ASRGL1: variants seen among roughly 807,000 people sequenced by gnomAD.
ASRGL1 encodes asparaginase and isoaspartyl peptidase 1, also known as isoaspartyl peptidase/L-asparaginase.
A neutral mutation model predicts 22.4 loss-of-function variants in ASRGL1; 16 were observed. The ratio of observed to expected loss-of-function variants is 0.71; its 90% CI spans 0.48 to 1.08. The LOEUF (loss-of-function observed/expected upper bound fraction) is 1.08, where lower values mean the gene tolerates loss of function less well. Ranked by LOEUF, ASRGL1 falls within the 50% of genes least tolerant of loss-of-function variation. The pLI is 0.00. For missense variants in ASRGL1, 412 were observed against 410.1 expected (o/e 1.00, Z -0.04); for synonymous variants, 165 against 159.3 (o/e 1.04, Z -0.27).
At chr11:62,367,488 T>C (rs1311787921) in intron 4 of ASRGL1, among the ~76,000 whole-genome samples, 1 of 148,798 alleles carries the variant, frequency 6.7e-6, no homozygotes, top group Non-Finnish European at 1.5e-5. Flanking sequence ...CTACTAAAAA[T>C]ACAAAATGAG....
chr11:62,389,416 G>C (rs539863514), intron 5 of ASRGL1, 165 bp downstream of exon 5: 3 of 742,444 alleles, frequency 4.0e-6, no homozygotes, highest in Non-Finnish European at 7.1e-6. Context: ...GGGGTTGTTC[G>C]GGGTGCTGCC....
In ASRGL1 at chr11:62,345,269, G is replaced by T. The variant is rs554485771; in HGVS notation, c.190+7102G>T. The stretch of plus-strand genomic sequence containing the variant: ...GTATCACATGGTAGCTGTATTCTTA[G>T]ATTTTTGAGGAACTCAGGGTTGTTT... On this transcript the variant is annotated intron_variant, in intron 2 of 6. Coordinates refer to ENST00000415229, the MANE Select transcript of ASRGL1 (RefSeq NM_001083926.2). 1.2e-4 allele frequency among the ~76,000 whole-genome samples: 18 copies of T among 152,186 alleles called. No homozygotes were observed. The South Asian group carries it at 1.9e-3, about 16-fold the overall frequency.
intron 4 of ASRGL1, among the ~76,000 whole-genome samples, chr11:62,381,116 G>A (rs1332762711): frequency 2.6e-5 from 4 of 152,106 alleles, no homozygotes; most frequent in Non-Finnish European, 5.9e-5. Flanking sequence ...TGATATTGTG[G>A]ATACTGTATT....
At chr11:62,372,483 T>C in intron 4 of ASRGL1, 1 of 1,378,790 alleles carries the variant, frequency 7.3e-7, no homozygotes, top group East Asian at 2.3e-5. Flanking sequence ...ACAACTCAGA[T>C]GGGAAGTTCA....
Position 62,393,200 on chromosome 11 carries a change from C to T in ASRGL1, c.*916C>T, listed in dbSNP as rs531906879. On this transcript the variant is annotated 3_prime_UTR_variant, in exon 7 of 7. Transcript: ENST00000415229. ...TTCCCACCTCCCCATCCTCACCAGC[C>T]GGATCGGGCGCTGTGCAGTGTGGTC... is the stretch of plus-strand genomic sequence containing the variant. 3 of 152,452 alleles carry T rather than the reference C, an allele frequency of 2.0e-5. No homozygotes were observed. The highest frequency in any genetic ancestry group is 6.5e-5 in the Admixed American group (1 of 15,296). The allele number at this position is 152,452 out of a possible 1,614,324, so 9.4% of individuals were successfully genotyped here. A position where few individuals can be genotyped will look rare whatever the true frequency, so the allele number is the denominator to read the frequency against.
In ASRGL1 at chr11:62,373,098, G is replaced by C. The variant is rs528375759; in HGVS notation, c.491+15954G>C. ...CGCCATGGGCTACTCACACTCCTTGGTGATAGCAAGAGATGAAAGTGAAAC... is the reference window on the plus strand; with the variant it reads ...CGCCATGGGCTACTCACACTCCTTGCTGATAGCAAGAGATGAAAGTGAAAC... On this transcript the variant is annotated intron_variant, in intron 4 of 6. Coordinates refer to ENST00000415229, the MANE Select transcript of ASRGL1 (RefSeq NM_001083926.2). 1.3e-3 allele frequency: 1,929 copies of C among 1,468,138 alleles called. 8 individuals carry two copies. The highest frequency in any genetic ancestry group is 4.8e-3 in the South Asian group (424 of 88,042). The allele number at this position is 1,468,138 out of a possible 1,614,324, so 90.9% of individuals were successfully genotyped here.
chr11:62,396,603 C>T (rs1182011315), downstream of ASRGL1, among the ~76,000 whole-genome samples: 1 of 152,098 alleles, frequency 6.6e-6, no homozygotes, highest in African/African-American at 2.4e-5. Flanking sequence ...TAGAGGCAGC[C>T]CCAAGAGGGC....
At chr11:62,373,462 GT>G (rs112856978) in intron 4 of ASRGL1, among the ~76,000 whole-genome samples, 1,502 of 148,734 alleles carry the variant, frequency 0.01, 32 homozygotes, top group African/African-American at 0.032. Context: ...CAATCTAGGT[GT>G]TTTTTTTTTC....
chr11:62,389,476 C>A, intron 5 of ASRGL1: 1 of 597,754 alleles, frequency 1.7e-6, no homozygotes, highest in Non-Finnish European at 3.1e-6. Flanking sequence ...GATTGCATGC[C>A]TTTTTGGAAC....
intron 2 of ASRGL1, among the ~76,000 whole-genome samples, chr11:62,347,421 A>T (rs1394585495): frequency 6.6e-6 from 1 of 152,106 alleles, no homozygotes; most frequent in Admixed American, 6.5e-5. Context: ...TGATTACACG[A>T]TTGGTTCCCT....
intron 2 of ASRGL1, among the ~76,000 whole-genome samples, chr11:62,346,968 CA>C (rs35854084): frequency 0.76 from 101,263 of 133,620 alleles, 37,141 homozygotes; most frequent in South Asian, 0.83. Context: ...GACTCCGTCT[CA>C]AAAAAAAAAA....
At chr11:62,379,647 T>C (rs1947015325) in intron 4 of ASRGL1, among the ~76,000 whole-genome samples, 1 of 152,198 alleles carries the variant, frequency 6.6e-6, no homozygotes, top group Non-Finnish European at 1.5e-5. Flanking sequence ...CTGTGGGAAT[T>C]TTTTGTGGGG....
intron 2 of ASRGL1, among the ~76,000 whole-genome samples, chr11:62,343,733 A>AG (rs1945933195): frequency 1.3e-5 from 2 of 148,206 alleles, no homozygotes; most frequent in South Asian, 2.1e-4. Context: ...AGCTCCACAA[A>AG]AAAAAAAAAA....
chr11:62,373,163 C>A, intron 4 of ASRGL1: 1 of 1,283,768 alleles, frequency 7.8e-7, no homozygotes, highest in South Asian at 1.2e-5. Flanking sequence ...AATACAGCCC[C>A]CAAACCCTCT....
chr11:62,356,160 G>A (rs1441127072), intron 2 of ASRGL1, among the ~76,000 whole-genome samples, 165 bp from the exon 3 acceptor site: 2 of 152,194 alleles, frequency 1.3e-5, no homozygotes, highest in African/African-American at 4.8e-5. Context: ...CAGGGTGGTG[G>A]CGGGGCAGAG....
intron 2 of ASRGL1, among the ~76,000 whole-genome samples, chr11:62,339,246 T>TA (rs1227583660): frequency 1.3e-5 from 2 of 152,310 alleles, no homozygotes; most frequent in Non-Finnish European, 1.5e-5. Context: ...CTATCTGTCA[T>TA]GTGATGTCAT....
intron 4 of ASRGL1, among the ~76,000 whole-genome samples, chr11:62,357,608 A>G (rs1040744950): frequency 1.3e-5 from 2 of 151,850 alleles, no homozygotes; most frequent in African/African-American, 4.8e-5. Context: ...TGTATCAGTT[A>G]TCTGGATTCT....
intron 4 of ASRGL1, among the ~76,000 whole-genome samples, chr11:62,384,204 G>A (rs1422114126): frequency 2.6e-5 from 4 of 151,708 alleles, no homozygotes; most frequent in African/African-American, 7.3e-5. Context: ...GCAAGACTCC[G>A]TCTCAAAAAC....
chr11:62,362,493 A>G (rs1261720621), intron 4 of ASRGL1, among the ~76,000 whole-genome samples: 4 of 75,096 alleles, frequency 5.3e-5, no homozygotes, highest in African/African-American at 1.2e-4. Flanking sequence ...TATAATATAT[A>G]TTATATAAAA....
Sources: allele counts gnomAD v4.1 joint callset (sites outside exome capture counted in the v4.1 genomes callset), GRCh38; gene constraint gnomAD v4.1.1; transcripts MANE v1.5; gene names NCBI Gene and HGNC (gene_info 2026-07-23, HGNC 2026-07-21).